The following KCNH1 variants were observed in gnomAD, a reference collection of about 807,000 sequenced individuals.
KCNH1 encodes potassium voltage-gated channel subfamily H member 1.
In KCNH1, 27 loss-of-function variants were observed where a neutral mutation model predicts 69.2. The ratio of observed to expected loss-of-function variants is 0.39; its 90% CI spans 0.29 to 0.54. The LOEUF (loss-of-function observed/expected upper bound fraction) is 0.54. Ranked by LOEUF, KCNH1 falls within the 20% of genes least tolerant of loss-of-function variation. The pLI is 0.68. For missense variants in KCNH1, 798 were observed against 1,261.6 expected (o/e 0.63, Z 5.57); for synonymous variants, 456 against 487.7 (o/e 0.93, Z 0.86).
At chr1:211,075,006 G>T (rs1471399273) in intron 5 of KCNH1, among the ~76,000 whole-genome samples, 7 of 152,172 alleles carry the variant, frequency 4.6e-5, no homozygotes, top group African/African-American at 1.7e-4. Context: ...TAGCTACGTA[G>T]AGAAAATGAC....
chr1:210,971,227 A>C (rs932397796), intron 6 of KCNH1, among the ~76,000 whole-genome samples: 12 of 152,244 alleles, frequency 7.9e-5, no homozygotes, highest in African/African-American at 2.9e-4. Flanking sequence ...TGCTGAGATT[A>C]TACGCATGAG....
chr1:210,961,026 T>C (rs1028126280), intron 6 of KCNH1, among the ~76,000 whole-genome samples: 24 of 152,198 alleles, frequency 1.6e-4, no homozygotes, highest in African/African-American at 5.3e-4. Context: ...CTTGAACATA[T>C]ACAATGCAGT....
At chr1:210,999,209 A>G (rs1460097709) in intron 6 of KCNH1, among the ~76,000 whole-genome samples, 8 of 152,208 alleles carry the variant, frequency 5.3e-5, no homozygotes, top group Non-Finnish European at 8.8e-5. Flanking sequence ...CCTTCAAAAA[A>G]TCAATGAATC....
At chr1:210,706,101 C>T (rs1681907051) in intron 10 of KCNH1, among the ~76,000 whole-genome samples, 1 of 152,214 alleles carries the variant, frequency 6.6e-6, no homozygotes, top group Non-Finnish European at 1.5e-5. Context: ...CAGATCCTGT[C>T]CTTTTGCCAA....
chr1:210,896,582 C>T (rs1574324618), intron 7 of KCNH1, among the ~76,000 whole-genome samples: 2 of 152,296 alleles, frequency 1.3e-5, no homozygotes, highest in East Asian at 3.9e-4. Flanking sequence ...AGACCCTCAG[C>T]TAAATCCCTG....
rs375516769 is a variant in KCNH1, at chr1:211,082,788, G to A, written c.550C>T (p.Leu184=). The A allele has an allele frequency of 6.2e-7, 1 of 1,613,510 alleles. No homozygotes were observed. The highest frequency in any genetic ancestry group is 1.7e-5 in the Admixed American group (1 of 60,016). ...TAACCCTTTGCCCTTACCTCTGCCA[G>A]GCGGGAGTGCTTGTGGACATTCTCG... ...KGENVHKHSR[L]AEVLQLGSDI... The change falls in exon 5 of 11, where the codon CTG becomes TTG. Residue 184 remains leucine, a synonymous_variant. Coordinates refer to ENST00000271751, the MANE Select transcript of KCNH1 (RefSeq NM_172362.3).
chr1:210,811,555 G>T (rs561251718), intron 7 of KCNH1, among the ~76,000 whole-genome samples: 5 of 152,190 alleles, frequency 3.3e-5, no homozygotes, highest in African/African-American at 9.6e-5. Context: ...TCATAAAAAA[G>T]ACTCCTCTTT....
At chr1:210,737,373 T>C (rs1232030800) in intron 10 of KCNH1, among the ~76,000 whole-genome samples, 1 of 152,238 alleles carries the variant, frequency 6.6e-6, no homozygotes, top group Non-Finnish European at 1.5e-5. Flanking sequence ...AAATGTTTGC[T>C]ATCTTACCTG....
chr1:211,088,649 C>T (rs1379419626), intron 4 of KCNH1, among the ~76,000 whole-genome samples: 1 of 152,140 alleles, frequency 6.6e-6, no homozygotes, highest in Non-Finnish European at 1.5e-5. Context: ...AGACATTAAG[C>T]GTGGTCTACT....
At chr1:210,935,224 G>A (rs1314375049) in intron 6 of KCNH1, among the ~76,000 whole-genome samples, 1 of 150,352 alleles carries the variant, frequency 6.7e-6, no homozygotes, top group Non-Finnish European at 1.5e-5. Context: ...GATGACAAAT[G>A]GATGAGCCTG....
chr1:210,850,123 G>A (rs1159052035), intron 7 of KCNH1, among the ~76,000 whole-genome samples: 1 of 152,150 alleles, frequency 6.6e-6, no homozygotes, highest in Non-Finnish European at 1.5e-5. Context: ...CACACTTGCA[G>A]CTCTAAGTGC....
rs548780523 is a variant in KCNH1 at position 210,727,004 on chromosome 1, G to A, written c.2113-42866C>T. Among the ~76,000 whole-genome samples, 7 of 152,248 alleles carry A rather than the reference G, an allele frequency of 4.6e-5. No homozygotes were observed. In the South Asian group the frequency reaches 1.2e-3, roughly 27 times the overall value. On this transcript the variant is annotated intron_variant, in intron 10 of 10. Coordinates refer to ENST00000271751, the MANE Select transcript of KCNH1 (RefSeq NM_172362.3). ...ATCCCTTTGTCACCACTCTCAGTCT[G>A]GCTGACCCTACTTGGGCATGGGTTA...
intron 6 of KCNH1, among the ~76,000 whole-genome samples, chr1:210,956,955 A>G (rs11119639): frequency 0.71 from 107,998 of 151,964 alleles, 39,342 homozygotes; most frequent in African/African-American, 0.87. Flanking sequence ...CCTTCTGCTA[A>G]CTTTTGAATT....
At chr1:211,127,976 A>G (rs754010552) in intron 1 of KCNH1, among the ~76,000 whole-genome samples, 1 of 152,194 alleles carries the variant, frequency 6.6e-6, no homozygotes, top group Non-Finnish European at 1.5e-5. Context: ...GTCATACTAT[A>G]AAGCACGATG....
intron 10 of KCNH1, among the ~76,000 whole-genome samples, chr1:210,720,710 G>A (rs993909157): frequency 9.9e-5 from 15 of 152,234 alleles, no homozygotes; most frequent in African/African-American, 3.1e-4. Context: ...ATCACATTGC[G>A]TCACCTGTTC....
At chr1:210,771,636 C>T (rs74986049) in intron 10 of KCNH1, among the ~76,000 whole-genome samples, 4,095 of 150,354 alleles carry the variant, frequency 0.027, 193 homozygotes, top group African/African-American at 0.094. Context: ...ATAACAATAA[C>T]ATACAAATGA....
intron 5 of KCNH1, among the ~76,000 whole-genome samples, chr1:211,025,792 A>C: frequency 6.6e-6 from 1 of 152,096 alleles, no homozygotes. Flanking sequence ...TAGACTTGCT[A>C]GCTCCTTGCT....
intron 7 of KCNH1, among the ~76,000 whole-genome samples, chr1:210,841,193 C>G (rs902452589): frequency 1.3e-5 from 2 of 152,204 alleles, no homozygotes; most frequent in African/African-American, 4.8e-5. Flanking sequence ...TCTTCCTCTT[C>G]CAAAGTGGAT....
At chr1:210,958,300 C>A (rs1366377777) in intron 6 of KCNH1, among the ~76,000 whole-genome samples, 2 of 152,186 alleles carry the variant, frequency 1.3e-5, no homozygotes, top group Non-Finnish European at 2.9e-5. Flanking sequence ...ACAGGCGTCC[C>A]TTTGTGGGTA....
Sources: gnomAD v4.1 joint callset for allele counts (sites outside exome capture counted in the v4.1 genomes callset) on GRCh38, gnomAD v4.1.1 for gene constraint, MANE v1.5 for transcripts, NCBI Gene and HGNC (gene_info 2026-07-23, HGNC 2026-07-21) for gene names.